CCDC141: variants seen among roughly 807,000 people sequenced by gnomAD.
The protein encoded by CCDC141 is coiled-coil domain containing 141.
Under a neutral mutation model 181.0 loss-of-function variants are expected in CCDC141, and 168 were observed. That is an observed-to-expected ratio of 0.93 (90% confidence interval 0.82 to 1.05). The LOEUF is 1.05. Among genes scored for constraint, CCDC141 ranks in the 50% least tolerant of loss-of-function variants. The pLI, the probability that CCDC141 is intolerant of heterozygous loss-of-function variation, is 0.00. For synonymous variants in CCDC141, 666 were observed against 642.3 expected, an observed-to-expected ratio of 1.04 and a Z score of -0.56; for missense variants, 1,902 against 1,788.5, an observed-to-expected ratio of 1.06 and a Z score of -1.14.
chr2:179,025,794 G>A (rs888497181), intron 2 of CCDC141, among the ~76,000 whole-genome samples: 2 of 152,184 alleles, frequency 1.3e-5, no homozygotes, highest in East Asian at 1.9e-4. Context: ...CTTATGGAAT[G>A]GCTTTGTCCA....
At chr2:178,908,635 C>T (rs1286847655) in intron 7 of CCDC141, among the ~76,000 whole-genome samples, 2 of 152,026 alleles carry the variant, frequency 1.3e-5, no homozygotes, top group African/African-American at 4.8e-5. Flanking sequence ...AATTGAGAAC[C>T]CCTGAGCTAC....
chr2:179,012,589 GAAGGAACC>G (rs1559046501), intron 2 of CCDC141, among the ~76,000 whole-genome samples: 189 of 152,128 alleles, frequency 1.2e-3, no homozygotes, highest in African/African-American at 4.4e-3. Context: ...ACAAGATAAA[GAAGGAACC>G]CTCCCTAATT....
intron 21 of CCDC141, 125 bp from the exon 22 acceptor site, chr2:178,845,867 C>T: frequency 1.4e-6 from 1 of 697,470 alleles, no homozygotes; most frequent in South Asian, 1.6e-5. Flanking sequence ...CCACAAGAGA[C>T]TGGTGTACTC....
intron 12 of CCDC141, chr2:178,872,882 C>T (rs1575155332): frequency 1.3e-5 from 2 of 152,034 alleles, no homozygotes; most frequent in African/African-American, 2.4e-5. Context: ...CATCATACAC[C>T]GGAAGCACAG....
At chr2:178,854,683 G>C (rs1191068162) in intron 19 of CCDC141, among the ~76,000 whole-genome samples, 3 of 152,146 alleles carry the variant, frequency 2.0e-5, no homozygotes, top group Non-Finnish European at 4.4e-5. Flanking sequence ...ATATGTAGAA[G>C]ACTGATCATT....
At chr2:178,961,086 C>A in intron 5 of CCDC141, 144 bp downstream of exon 5, 1 of 814,662 alleles carries the variant, frequency 1.2e-6, no homozygotes, top group Non-Finnish European at 1.9e-6. Context: ...GGAAAAACAA[C>A]ATGGTAGTTT....
intron 8 of CCDC141, among the ~76,000 whole-genome samples, chr2:178,897,181 G>A (rs75135012): frequency 0.057 from 8,640 of 152,100 alleles, 396 homozygotes; most frequent in Admixed American, 0.15. Flanking sequence ...CTGAGTAAGA[G>A]CATCTTATGT....
At chr2:179,030,721 A>G (rs1014133142) in intron 2 of CCDC141, among the ~76,000 whole-genome samples, 9 of 152,112 alleles carry the variant, frequency 5.9e-5, no homozygotes, top group African/African-American at 2.2e-4. Context: ...AAATTTACAC[A>G]CATACCTATT....
At chr2:178,996,021 C>CT (rs1247566733) in intron 2 of CCDC141, among the ~76,000 whole-genome samples, 2 of 151,822 alleles carry the variant, frequency 1.3e-5, no homozygotes, top group Non-Finnish European at 2.9e-5. Flanking sequence ...TAGATTCTAA[C>CT]TTTTTTCCTA....
chr2:179,019,820 G>T (rs542601982), intron 2 of CCDC141, among the ~76,000 whole-genome samples: 2 of 151,818 alleles, frequency 1.3e-5, no homozygotes, highest in African/African-American at 2.4e-5. Flanking sequence ...AGACTGGAGC[G>T]CAGTGGCATG....
intron 6 of CCDC141, among the ~76,000 whole-genome samples, chr2:178,938,679 T>C (rs1266940918): frequency 2.0e-5 from 3 of 152,178 alleles, no homozygotes; most frequent in South Asian, 2.1e-4. Context: ...ATCTGTCTAA[T>C]ACTGTTAGTA....
chr2:178,855,553 A>T lies in CCDC141; in HGVS notation c.2866-12T>A, dbSNP rs1323328449. 4 of 1,545,044 alleles carry T rather than the reference A, an allele frequency of 2.6e-6. No homozygotes were observed. In the African/African-American group the frequency reaches 5.6e-5, roughly 22 times the overall value. On this transcript the variant is annotated splice_polypyrimidine_tract_variant and intron_variant, in intron 18 of 23. Transcript: ENST00000443758. ...TTCCTTTTCAAAGCCTGTGTGAAAA[A>T]CAAAAAGTTTTTTAAACAACATTCA...
At chr2:178,916,531 T>C (rs1214646998) in intron 7 of CCDC141, among the ~76,000 whole-genome samples, 1 of 151,842 alleles carries the variant, frequency 6.6e-6, no homozygotes, top group African/African-American at 2.4e-5. Flanking sequence ...ATAAATAATA[T>C]AGTTATTTTA....
At chr2:178,953,234 A>C (rs949547314) in intron 5 of CCDC141, among the ~76,000 whole-genome samples, 9 of 152,164 alleles carry the variant, frequency 5.9e-5, no homozygotes, top group African/African-American at 9.7e-5. Context: ...CAGAAGATCG[A>C]GACCATCCTG....
intron 2 of CCDC141, chr2:179,002,102 G>T: frequency 5.0e-6 from 1 of 198,988 alleles, no homozygotes; most frequent in Non-Finnish European, 1.0e-5. Flanking sequence ...ACAAGCATAA[G>T]CCACTGCTCC....
intron 5 of CCDC141, among the ~76,000 whole-genome samples, chr2:178,953,436 CAAA>C (rs34278844): frequency 7.7e-6 from 1 of 130,050 alleles, no homozygotes. Context: ...GACTCCCTCT[CAAA>C]AAAAAAAAAA....
At chr2:178,963,029 T>G (rs181659932) in intron 4 of CCDC141, among the ~76,000 whole-genome samples, 16 of 152,316 alleles carry the variant, frequency 1.1e-4, no homozygotes, top group African/African-American at 3.4e-4. Flanking sequence ...TAGGCTCCAC[T>G]GCAACATGAG....
chr2:179,015,180 AT>A (rs1228295159), intron 2 of CCDC141, among the ~76,000 whole-genome samples: 2 of 85,470 alleles, frequency 2.3e-5, no homozygotes, highest in Admixed American at 1.3e-4. Flanking sequence ...TATATCTCAT[AT>A]ACATCTCATC....
Position 178,962,638 on chromosome 2 carries a change from C to CTTTTCCTT in CCDC141, c.527-1156_527-1155insAAGGAAAA, listed in dbSNP as rs1553490959. ...CTTTTCCTTCTTTCCTTCTTTCTTT[C>CTTTTCCTT]CTTTCCTTCTTTCTTTCTTTCCTCT... is the stretch of plus-strand genomic sequence containing the variant. On this transcript the variant is annotated intron_variant, in intron 4 of 23. Coordinates refer to ENST00000443758, the MANE Select transcript of CCDC141 (RefSeq NM_173648.4). Among the ~76,000 whole-genome samples, 259 of 147,992 alleles carry CTTTTCCTT rather than the reference C, an allele frequency of 1.8e-3. 5 individuals carry two copies. In the South Asian group the frequency reaches 0.022, roughly 13 times the overall value.
Sources: allele counts gnomAD v4.1 joint callset (sites outside exome capture counted in the v4.1 genomes callset), GRCh38; gene constraint gnomAD v4.1.1; transcripts MANE v1.5; gene names NCBI Gene and HGNC (gene_info 2026-07-23, HGNC 2026-07-21).